Variants in DLG2 observed in about 807,000 individuals in gnomAD.
The protein encoded by DLG2 is discs large MAGUK scaffold protein 2, also known as disks large homolog 2.
Under a neutral mutation model 132.5 loss-of-function variants are expected in DLG2, and 45 were observed. The ratio of observed to expected loss-of-function variants is 0.34; its 90% confidence interval spans 0.27 to 0.44. The LOEUF (loss-of-function observed/expected upper bound fraction) is 0.44. Among genes scored for constraint, DLG2 ranks in the 20% least tolerant of loss-of-function variants. The pLI, the probability that DLG2 is intolerant of heterozygous loss-of-function variation, is 1.00. For missense variants in DLG2, 1,045 were observed against 1,196.9 expected, an observed-to-expected ratio of 0.87 and a Z score of 1.87; for synonymous variants, 424 against 419.6, an observed-to-expected ratio of 1.01 and a Z score of -0.13.
At chr11:83,906,199 C>G (rs536616424) in intron 15 of DLG2, among the ~76,000 whole-genome samples, 1 of 147,046 alleles carries the variant, frequency 6.8e-6, no homozygotes, top group Non-Finnish European at 1.5e-5. Context: ...TTCCAGTTTC[C>G]AGCTTGCTAA....
intron 19 of DLG2, among the ~76,000 whole-genome samples, chr11:83,593,158 G>C (rs1350536993): frequency 7.1e-6 from 1 of 141,228 alleles, no homozygotes; most frequent in Non-Finnish European, 1.5e-5. Flanking sequence ...ATACCCAAAG[G>C]ACTATAAATC....
intron 6 of DLG2, among the ~76,000 whole-genome samples, chr11:84,867,358 A>C (rs994953770): frequency 1.3e-5 from 2 of 152,202 alleles, no homozygotes; most frequent in African/African-American, 2.4e-5. Flanking sequence ...GTTGCAGAGA[A>C]TGAGCCATGG....
intron 19 of DLG2, among the ~76,000 whole-genome samples, chr11:83,626,039 T>C (rs2062465887): frequency 6.6e-6 from 1 of 152,224 alleles, no homozygotes; most frequent in Admixed American, 6.5e-5. Context: ...CCAAGCACTG[T>C]GGCATAATGC....
chr11:83,715,886 T>C (rs1044334782), intron 18 of DLG2, among the ~76,000 whole-genome samples: 2 of 152,196 alleles, frequency 1.3e-5, no homozygotes, highest in Non-Finnish European at 2.9e-5. Flanking sequence ...ACACCTCAGC[T>C]TTGACATTTC....
chr11:85,238,513 G>C (rs1335942467), intron 4 of DLG2, among the ~76,000 whole-genome samples: 1 of 151,934 alleles, frequency 6.6e-6, no homozygotes, highest in African/African-American at 2.4e-5. Flanking sequence ...CAAAGTGCTG[G>C]GATTACAGGC....
intron 19 of DLG2, among the ~76,000 whole-genome samples, chr11:83,571,687 T>A (rs1443299032): frequency 6.6e-6 from 1 of 152,050 alleles, no homozygotes; most frequent in Non-Finnish European, 1.5e-5. Context: ...TGAGAAATAT[T>A]ACTGATGAGC....
At chr11:84,168,967 C>T (rs1214305566) in intron 8 of DLG2, among the ~76,000 whole-genome samples, 1 of 152,248 alleles carries the variant, frequency 6.6e-6, no homozygotes, top group Non-Finnish European at 1.5e-5. Context: ...GCTCTTTACA[C>T]TTGACCTTAC....
At chr11:85,345,279 T>A (rs1459366169) in intron 3 of DLG2, among the ~76,000 whole-genome samples, 1 of 152,124 alleles carries the variant, frequency 6.6e-6, no homozygotes, top group Non-Finnish European at 1.5e-5. Context: ...AAGTATGGCA[T>A]GTCTTGGTGC....
chr11:84,348,167 T>C (rs1240810212), intron 7 of DLG2, among the ~76,000 whole-genome samples: 14 of 152,218 alleles, frequency 9.2e-5, no homozygotes, highest in Non-Finnish European at 1.3e-4. Context: ...ATTTGAGCCA[T>C]GTGCCAAGCC....
At chr11:84,734,832 G>C (rs555600971) in intron 6 of DLG2, among the ~76,000 whole-genome samples, 208 of 152,310 alleles carry the variant, frequency 1.4e-3, no homozygotes, top group South Asian at 2.3e-3. Flanking sequence ...AATTGATTGA[G>C]AGTTTTTAGC....
At chr11:85,203,507 A>T (rs145205089) in intron 4 of DLG2, among the ~76,000 whole-genome samples, 562 of 152,178 alleles carry the variant, frequency 3.7e-3, no homozygotes, top group Non-Finnish European at 5.5e-3. Flanking sequence ...GAAGAAATAG[A>T]AAACATGAAC....
intron 7 of DLG2, among the ~76,000 whole-genome samples, chr11:84,364,680 G>A (rs1035346561): frequency 2.0e-5 from 3 of 152,026 alleles, no homozygotes; most frequent in African/African-American, 2.4e-5. Context: ...TTTGAGATAC[G>A]TCCCATCAAT....
chr11:85,560,968 G>A (rs1385925290), intron 3 of DLG2, among the ~76,000 whole-genome samples: 1 of 151,496 alleles, frequency 6.6e-6, no homozygotes, highest in Non-Finnish European at 1.5e-5. Context: ...AGAGGTCAAG[G>A]CTGCAGTGAG....
intron 4 of DLG2, among the ~76,000 whole-genome samples, chr11:85,228,869 T>C (rs1406868389): frequency 1.3e-5 from 2 of 151,574 alleles, no homozygotes; most frequent in Non-Finnish European, 2.9e-5. Flanking sequence ...CATTTTGCCA[T>C]TTGTTTTCAT....
At chr11:84,732,953 C>T (rs942936418) in intron 6 of DLG2, among the ~76,000 whole-genome samples, 5 of 152,048 alleles carry the variant, frequency 3.3e-5, no homozygotes, top group African/African-American at 1.2e-4. Flanking sequence ...ATCCATGTCC[C>T]TACAAAGGAC....
intron 3 of DLG2, among the ~76,000 whole-genome samples, chr11:85,484,937 G>T (rs531328632): frequency 6.6e-6 from 1 of 152,116 alleles, no homozygotes; most frequent in South Asian, 2.1e-4. Context: ...CAATAGCAAA[G>T]ACTTGGAACC....
intron 3 of DLG2, among the ~76,000 whole-genome samples, chr11:85,544,966 T>C (rs2076213985): frequency 1.3e-5 from 2 of 152,228 alleles, no homozygotes; most frequent in African/African-American, 2.4e-5. Flanking sequence ...CTTTTCCTAA[T>C]TGAATACCGT....
intron 3 of DLG2, among the ~76,000 whole-genome samples, chr11:85,352,516 C>T (rs1404969448): frequency 6.6e-6 from 1 of 152,134 alleles, no homozygotes; most frequent in African/African-American, 2.4e-5. Flanking sequence ...GATTTTAGAT[C>T]TTTCCTGCTT....
At chr11:85,159,601 T>C (rs761472614) in intron 4 of DLG2, among the ~76,000 whole-genome samples, 2 of 152,212 alleles carry the variant, frequency 1.3e-5, no homozygotes, top group Non-Finnish European at 1.5e-5. Flanking sequence ...CAGTGGATTA[T>C]CATAAGCTTA....
Sources: allele counts gnomAD v4.1 joint callset (sites outside exome capture counted in the v4.1 genomes callset), GRCh38; gene constraint gnomAD v4.1.1; transcripts MANE v1.5; gene names NCBI Gene and HGNC (gene_info 2026-07-23, HGNC 2026-07-21).